NPAS3: variants seen among roughly 807,000 people sequenced by gnomAD.
NPAS3 encodes neuronal PAS domain protein 3, also known as neuronal PAS domain-containing protein 3.
Under a neutral mutation model 73.1 loss-of-function variants are expected in NPAS3, and 14 were observed. That is an observed-to-expected ratio of 0.19 (90% CI 0.13 to 0.30). The LOEUF (loss-of-function observed/expected upper bound fraction) is 0.30. Among genes scored for constraint, NPAS3 ranks in the 10% least tolerant of loss-of-function variants. The pLI is 1.00. For missense variants in NPAS3, 1,096 were observed against 1,250.0 expected (o/e 0.88, Z 1.86); for synonymous variants, 620 against 541.5 (o/e 1.14, Z -2.01).
chr14:33,528,457 C>T (rs1334851056), intron 4 of NPAS3, among the ~76,000 whole-genome samples: 1 of 151,748 alleles, frequency 6.6e-6, no homozygotes, highest in Admixed American at 6.6e-5. Context: ...GTGATAAATG[C>T]AACAATAGAC....
intron 3 of NPAS3, among the ~76,000 whole-genome samples, chr14:33,319,906 G>T (rs2043364662): frequency 6.6e-6 from 1 of 152,144 alleles, no homozygotes; most frequent in African/African-American, 2.4e-5. Context: ...ACAAGTTCAT[G>T]GCACGTGGTA....
chr14:33,239,664 T>A (rs960701198), intron 3 of NPAS3, among the ~76,000 whole-genome samples: 1 of 151,888 alleles, frequency 6.6e-6, no homozygotes, highest in Non-Finnish European at 1.5e-5. Flanking sequence ...ATAGAACATC[T>A]GACTGCTGTC....
chr14:33,358,414 G>T (rs906022153), intron 3 of NPAS3, among the ~76,000 whole-genome samples: 1 of 151,998 alleles, frequency 6.6e-6, no homozygotes, highest in South Asian at 2.1e-4. Context: ...GTTGTCGCGG[G>T]CAGGATGATG....
intron 2 of NPAS3, among the ~76,000 whole-genome samples, chr14:33,206,112 G>A (rs2046812703): frequency 6.6e-6 from 1 of 152,048 alleles, no homozygotes; most frequent in Admixed American, 6.6e-5. Context: ...AAATTTATAT[G>A]GGTGATTATA....
At chr14:33,278,516 A>AG (rs2041442120) in intron 3 of NPAS3, among the ~76,000 whole-genome samples, 1 of 151,818 alleles carries the variant, frequency 6.6e-6, no homozygotes, top group African/African-American at 2.4e-5. Flanking sequence ...AAAAAAAAAA[A>AG]GTATCTCAAG....
intron 3 of NPAS3, among the ~76,000 whole-genome samples, chr14:33,281,502 C>T (rs2140064186): frequency 6.6e-6 from 1 of 152,120 alleles, no homozygotes; most frequent in Non-Finnish European, 1.5e-5. Context: ...CGTGGTGGTG[C>T]ATGTCTGTAG....
At chr14:33,190,722 G>A (rs1350809619) in intron 2 of NPAS3, among the ~76,000 whole-genome samples, 2 of 152,198 alleles carry the variant, frequency 1.3e-5, no homozygotes, top group Non-Finnish European at 2.9e-5. Flanking sequence ...TGCATGTGGA[G>A]TGCTGCAGCT....
At chr14:33,677,861 T>A (rs2059813262) in intron 6 of NPAS3, among the ~76,000 whole-genome samples, 1 of 152,220 alleles carries the variant, frequency 6.6e-6, no homozygotes, top group South Asian at 2.1e-4. Flanking sequence ...GCTCACTGAC[T>A]TTACTGAGCA....
chr14:33,462,129 G>A (rs768610735), intron 4 of NPAS3, among the ~76,000 whole-genome samples: 1 of 152,176 alleles, frequency 6.6e-6, no homozygotes. Context: ...TCCACAAGAG[G>A]ATGTGTTGTT....
At chr14:33,647,125 G>C (rs1416995129) in intron 5 of NPAS3, among the ~76,000 whole-genome samples, 8 of 152,126 alleles carry the variant, frequency 5.3e-5, no homozygotes, top group Non-Finnish European at 1.2e-4. Context: ...AGGCTCAACT[G>C]TGTGATATGA....
At chr14:33,153,718 G>C (rs1318437294) in intron 2 of NPAS3, among the ~76,000 whole-genome samples, 1 of 152,098 alleles carries the variant, frequency 6.6e-6, no homozygotes, top group Admixed American at 6.5e-5. Flanking sequence ...TTTTAGCCGT[G>C]TTATTTCCAA....
At chr14:33,687,203 C>T (rs1266532001) in intron 6 of NPAS3, among the ~76,000 whole-genome samples, 3 of 152,034 alleles carry the variant, frequency 2.0e-5, no homozygotes, top group Admixed American at 6.6e-5. Flanking sequence ...TCGATGATGC[C>T]GTCTGTCCAC....
intron 5 of NPAS3, among the ~76,000 whole-genome samples, chr14:33,621,305 G>A (rs561101595): frequency 6.6e-6 from 1 of 152,226 alleles, no homozygotes; most frequent in East Asian, 1.9e-4. Flanking sequence ...TCTAATTTTT[G>A]AACATCTAAA....
intron 2 of NPAS3, among the ~76,000 whole-genome samples, chr14:33,189,615 A>G (rs890617877): frequency 1.3e-5 from 2 of 152,248 alleles, no homozygotes; most frequent in Middle Eastern, 3.2e-3. Context: ...AATAGGCACA[A>G]TATCTGAGAT....
chr14:33,569,065 T>C (rs2056095462), intron 5 of NPAS3, among the ~76,000 whole-genome samples: 1 of 152,234 alleles, frequency 6.6e-6, no homozygotes, highest in Non-Finnish European at 1.5e-5. Flanking sequence ...TGATATGGCT[T>C]TCGTGCCTAC....
chr14:33,560,294 G>A, intron 5 of NPAS3, 84 bp downstream of exon 5: 2 of 679,446 alleles, frequency 2.9e-6, no homozygotes, highest in Non-Finnish European at 5.4e-6. Context: ...GGAATATTCT[G>A]TTTAGCATGA....
chr14:33,547,084 T>C (rs760592942), intron 4 of NPAS3, among the ~76,000 whole-genome samples: 1 of 152,194 alleles, frequency 6.6e-6, no homozygotes. Flanking sequence ...CAGAAAATGA[T>C]AAAGACTTAA....
intron 3 of NPAS3, among the ~76,000 whole-genome samples, chr14:33,328,223 C>A (rs1029688880): frequency 1.3e-5 from 2 of 151,810 alleles, no homozygotes; most frequent in Non-Finnish European, 2.9e-5. Flanking sequence ...CCAAGGGATC[C>A]GAGCATGGTT....
intron 6 of NPAS3, among the ~76,000 whole-genome samples, chr14:33,684,342 C>T (rs553434452): frequency 1.3e-5 from 2 of 151,776 alleles, no homozygotes; most frequent in South Asian, 2.1e-4. Flanking sequence ...GATGGAGTCT[C>T]GCTCTGTCGC....
Sources: allele counts gnomAD v4.1 joint callset (sites outside exome capture counted in the v4.1 genomes callset), GRCh38; gene constraint gnomAD v4.1.1; transcripts MANE v1.5; gene names NCBI Gene and HGNC (gene_info 2026-07-23, HGNC 2026-07-21).